The following H4C8 variants were observed in gnomAD, a reference collection of about 807,000 sequenced individuals.
The protein encoded by H4C8 is H4 clustered histone 8, also known as histone H4.
In H4C8, 8 loss-of-function variants were observed where a neutral mutation model predicts 6.0. The observed-to-expected ratio is 1.33, with a 90% CI of 0.78 to 2.40. The LOEUF is 2.40. Among genes scored for constraint, H4C8 ranks in the 30% most tolerant of loss-of-function variants. H4C8 has a pLI of 0.00. For missense variants in H4C8, 211 were observed against 143.4 expected (o/e 1.47, Z -2.41); for synonymous variants, 118 against 51.9 (o/e 2.27, Z -5.47).
In H4C8 at chr6:26,285,475, T is replaced by A. The variant is rs769932118; in HGVS notation, c.25A>T (p.Lys9Ter). The change falls in exon 1 of 1, where the codon AAA (lysine) becomes TAA (stop). Residue 9 changes from lysine to a stop codon, truncating the protein, a stop_gained. Transcript: ENST00000377727. LOFTEE classifies it high-confidence loss of function. The stretch of plus-strand genomic sequence containing the variant: ...TTAGCTCCTCCCTTACCCAAACCTT[T>A]TCCACCTTTACCACGGCCAGACATG... MSGRGKGG[K>*]GLGKGGAKRH... is the part of the protein sequence containing the mutation. 3.1e-6 allele frequency: 5 copies of A among 1,607,002 alleles called. No homozygotes were observed. The highest frequency in any genetic ancestry group is 4.3e-6 in the Non-Finnish European group (5 of 1,174,182).
chr6:26,285,213 C>A lies in H4C8; in HGVS notation c.287G>T (p.Arg96Leu). ...TTAGCCACCGAAGCCGTAAAGAGTGCGTCCCTGTCGCTTCAGCGCGTAGAC... is the reference window on the plus strand; with the variant it reads ...TTAGCCACCGAAGCCGTAAAGAGTGAGTCCCTGTCGCTTCAGCGCGTAGAC... ...DVVYALKRQGRTLYGFGG is the reference protein window; with the variant it reads ...DVVYALKRQGLTLYGFGG Residue 96 changes from arginine to leucine, a missense_variant, in exon 1 of 1, where the codon CGC (arginine) becomes CTC (leucine). Coordinates refer to ENST00000377727, the MANE Select transcript of H4C8 (RefSeq NM_003543.4). The A allele has an allele frequency of 6.2e-7, 1 of 1,604,916 alleles. No individual in the cohort carries two copies. The highest frequency in any genetic ancestry group is 1.7e-4 in the Middle Eastern group (1 of 6,030).
rs1472381758 is a variant in H4C8, at chr6:26,285,326, A to G, written c.174T>C (p.Val58=). The G allele has an allele frequency of 1.9e-6, 3 of 1,614,208 alleles. No individual in the cohort carries two copies. The African/African-American group carries it at 4.0e-5, about 22-fold the overall frequency. Residue 58 remains valine, a synonymous_variant, in exon 1 of 1, where the codon GTT becomes GTC. Coordinates refer to ENST00000377727, the MANE Select transcript of H4C8 (RefSeq NM_003543.4). ...TCACGTTCTCCAGGAACACCTTCAGAACACCACGAGTCTCCTCATAGATAA... is the reference window on the plus strand; with the variant it reads ...TCACGTTCTCCAGGAACACCTTCAGGACACCACGAGTCTCCTCATAGATAA... ...SGLIYEETRG[V]LKVFLENVIR... is the part of the protein sequence containing the mutation.
Position 26,285,531 on chromosome 6 carries a change from A to C in H4C8, c.-32T>G, listed in dbSNP as rs41266831. ...GCAACTTCTAAAACCAACTTAAGAA[A>C]CCTAAACGCCAAGGCAAAGCAACGC... On this transcript the variant is annotated 5_prime_UTR_variant, in exon 1 of 1. Coordinates refer to ENST00000377727, the MANE Select transcript of H4C8 (RefSeq NM_003543.4). 1.3e-6 allele frequency: 2 copies of C among 1,557,058 alleles called. No individual in the cohort carries two copies. Among genetic ancestry groups the C allele is most frequent in the African/African-American group, 1.4e-5 (1 of 73,174 alleles).
At position 26,285,222 on chromosome 6, in the gene H4C8, C is replaced by T. The variant is rs778406079; in HGVS notation, c.278G>A (p.Arg93Gln). Residue 93 changes from arginine (R) to glutamine (Q), a missense_variant, in exon 1 of 1, where the codon CGA becomes CAA. By Grantham distance (43) the Arg-to-Gln change is conservative (BLOSUM62 1). Coordinates refer to ENST00000377727, the MANE Select transcript of H4C8 (RefSeq NM_003543.4). ...TAMDVVYALKRQGRTLYGFGG is the reference protein window; with the variant it reads ...TAMDVVYALKQQGRTLYGFGG ...GAAGCCGTAAAGAGTGCGTCCCTGTCGCTTCAGCGCGTAGACCACATCCAT... is the reference window on the plus strand; with the variant it reads ...GAAGCCGTAAAGAGTGCGTCCCTGTTGCTTCAGCGCGTAGACCACATCCAT... 5 of 1,608,166 alleles carry T rather than the reference C, an allele frequency of 3.1e-6. No individual in the cohort carries two copies. Among genetic ancestry groups the T allele is most frequent in the East Asian group, 2.2e-5 (1 of 44,750 alleles).
chr6:26,285,241 C>T lies in H4C8; in HGVS notation c.259G>A (p.Val87Met). The change falls in exon 1 of 1, where the codon GTG becomes ATG. Residue 87 changes from valine to methionine, a missense_variant. Coordinates refer to ENST00000377727, the MANE Select transcript of H4C8 (RefSeq NM_003543.4). ...CCCTGTCGCTTCAGCGCGTAGACCA[C>T]ATCCATTGCTGTCACGGTCTTGCGT... ...AKRKTVTAMD[V>M]VYALKRQGRT... The T allele has an allele frequency of 6.2e-7, 1 of 1,613,690 alleles. No individual in the cohort carries two copies. The highest frequency in any genetic ancestry group is 8.5e-7 in the Non-Finnish European group (1 of 1,179,570).
At position 26,285,212 on chromosome 6, in the gene H4C8, G is replaced by T; in HGVS notation, c.288C>A (p.Arg96=). The T allele has an allele frequency of 6.2e-7, 1 of 1,605,738 alleles. No homozygotes were observed. The highest frequency in any genetic ancestry group is 8.5e-7 in the Non-Finnish European group (1 of 1,173,248). Residue 96 remains arginine, a synonymous_variant, in exon 1 of 1, where the codon CGC becomes CGA. Transcript: ENST00000377727. ...DVVYALKRQG[R]TLYGFGG ...CTTAGCCACCGAAGCCGTAAAGAGT[G>T]CGTCCCTGTCGCTTCAGCGCGTAGA...
In H4C8 at chr6:26,285,428, G is replaced by T. The variant is rs373009713; in HGVS notation, c.72C>A (p.Arg24=). 6.2e-7 allele frequency: 1 copy of T among 1,614,224 alleles called. No individual in the cohort carries two copies. Among genetic ancestry groups the T allele is most frequent in the South Asian group, 1.1e-5 (1 of 91,092 alleles). Residue 24 remains arginine (R), a synonymous_variant, in exon 1 of 1, where the codon CGC becomes CGA. Transcript: ENST00000377727. ...GGAKRHRKVL[R]DNIQGITKPA... ...GCTTAGTGATGCCCTGGATGTTATC[G>T]CGCAAAACCTTGCGATGACGCTTAG... is the stretch of plus-strand genomic sequence containing the variant.
Position 26,285,528 on chromosome 6 carries a change from G to GT in H4C8, c.-30_-29insA, listed in dbSNP as rs1269097355. On this transcript the variant is annotated 5_prime_UTR_variant, in exon 1 of 1. Coordinates refer to ENST00000377727, the MANE Select transcript of H4C8 (RefSeq NM_003543.4). ...TAAGCAACTTCTAAAACCAACTTAAGAAACCTAAACGCCAAGGCAAAGCAA... is the reference window on the plus strand; with the variant it reads ...TAAGCAACTTCTAAAACCAACTTAAGTAAACCTAAACGCCAAGGCAAAGCAA... 3.2e-6 allele frequency: 5 copies of GT among 1,563,336 alleles called. No individual in the cohort carries two copies. Among genetic ancestry groups the GT allele is most frequent in the African/African-American group, 1.4e-5 (1 of 73,266 alleles).
Position 26,285,355 on chromosome 6 carries a change from C to CA in H4C8, c.144dup (p.Gly49TrpfsTer5). ...CCACGAGTCTCCTCATAGATAAGGCCAGAAATTCGCTTGACACCGCCGCGA... is the reference window on the plus strand; with the variant it reads ...CCACGAGTCTCCTCATAGATAAGGCCAAGAAATTCGCTTGACACCGCCGCGA... On this transcript the variant is annotated frameshift_variant, in exon 1 of 1. Coordinates refer to ENST00000377727, the MANE Select transcript of H4C8 (RefSeq NM_003543.4). LOFTEE classifies it high-confidence loss of function. 1.9e-6 allele frequency: 3 copies of CA among 1,614,198 alleles called. No homozygotes were observed. Among genetic ancestry groups the CA allele is most frequent in the Non-Finnish European group, 2.5e-6 (3 of 1,180,038 alleles).
rs1760711931 is a variant in H4C8, at chr6:26,285,252, G to C, written c.248C>G (p.Thr83Arg). 3.1e-6 allele frequency: 5 copies of C among 1,613,978 alleles called. No individual in the cohort carries two copies. The highest frequency in any genetic ancestry group is 4.2e-6 in the Non-Finnish European group (5 of 1,179,846). ...CAGCGCGTAGACCACATCCATTGCT[G>C]TCACGGTCTTGCGTTTGGCGTGCTC... is the stretch of plus-strand genomic sequence containing the variant. ...YTEHAKRKTV[T>R]AMDVVYALKR... The change falls in exon 1 of 1, where the codon ACA becomes AGA. Residue 83 changes from threonine to arginine, a missense_variant. By Grantham distance (71) the Thr-to-Arg change is moderately conservative (BLOSUM62 -1). Coordinates refer to ENST00000377727, the MANE Select transcript of H4C8 (RefSeq NM_003543.4).
At position 26,285,355 on chromosome 6, in the gene H4C8, C is replaced by T; in HGVS notation, c.145G>A (p.Gly49Ser). 1 of 1,614,198 alleles carries T rather than the reference C, an allele frequency of 6.2e-7. No homozygotes were observed. The highest frequency in any genetic ancestry group is 1.1e-5 in the South Asian group (1 of 91,086). ...ARRGGVKRISGLIYEETRGVL... is the reference protein window; with the variant it reads ...ARRGGVKRISSLIYEETRGVL... ...CCACGAGTCTCCTCATAGATAAGGC[C>T]AGAAATTCGCTTGACACCGCCGCGA... The change falls in exon 1 of 1, where the codon GGC becomes AGC. Residue 49 changes from glycine to serine, a missense_variant. Transcript: ENST00000377727.
Position 26,285,315 on chromosome 6 carries a change from AAC to A in H4C8, c.183_184del (p.Phe62ProfsTer7). Reference sequence around the variant, plus strand: ...AGCGTCACGAATCACGTTCTCCAGGAACACCTTCAGAACACCACGAGTCTCCT... The same window carrying A: ...AGCGTCACGAATCACGTTCTCCAGGAACCTTCAGAACACCACGAGTCTCCT... On this transcript the variant is annotated frameshift_variant, in exon 1 of 1. Transcript: ENST00000377727. LOFTEE classifies it high-confidence loss of function. 1 of 1,614,188 alleles carries A rather than the reference AAC, an allele frequency of 6.2e-7. No individual in the cohort carries two copies. The highest frequency in any genetic ancestry group is 1.1e-5 in the South Asian group (1 of 91,082).
rs376550213 is a variant in H4C8 at position 26,285,440 on chromosome 6, G to A, written c.60C>T (p.Arg20=). The A allele has an allele frequency of 1.2e-5, 19 of 1,614,056 alleles. No individual in the cohort carries two copies. The highest frequency in any genetic ancestry group is 5.3e-5 in the African/African-American group (4 of 74,934). ...CCTGGATGTTATCGCGCAAAACCTT[G>A]CGATGACGCTTAGCTCCTCCCTTAC... The part of the protein sequence containing the change: ...GLGKGGAKRH[R]KVLRDNIQGI... The change falls in exon 1 of 1, where the codon CGC becomes CGT. Residue 20 remains arginine, a synonymous_variant. Coordinates refer to ENST00000377727, the MANE Select transcript of H4C8 (RefSeq NM_003543.4).
At position 26,285,493 on chromosome 6, in the gene H4C8, C is replaced by T. The variant is rs770859181; in HGVS notation, c.7G>A (p.Gly3Ser). 10 of 1,600,748 alleles carry T rather than the reference C, an allele frequency of 6.2e-6. No individual in the cohort carries two copies. Among genetic ancestry groups the T allele is most frequent in the Admixed American group, 3.4e-5 (2 of 59,390 alleles). The change falls in exon 1 of 1, where the codon GGC becomes AGC. Residue 3 changes from glycine to serine, a missense_variant. By Grantham distance (56) the Gly-to-Ser change is moderately conservative. Coordinates refer to ENST00000377727, the MANE Select transcript of H4C8 (RefSeq NM_003543.4). MS[G>S]RGKGGKGLGK... is the part of the protein sequence containing the mutation. ...AAACCTTTTCCACCTTTACCACGGCCAGACATGACTAAGCAACTTCTAAAA... is the reference window on the plus strand; with the variant it reads ...AAACCTTTTCCACCTTTACCACGGCTAGACATGACTAAGCAACTTCTAAAA...
In H4C8 at chr6:26,285,508, A is replaced by T. The variant is rs761737525; in HGVS notation, c.-9T>A. 11 of 1,582,548 alleles carry T rather than the reference A, an allele frequency of 7.0e-6. No homozygotes were observed. Among genetic ancestry groups the T allele is most frequent in the Non-Finnish European group, 8.6e-6 (10 of 1,159,882 alleles). Reference sequence around the variant, plus strand: ...TTACCACGGCCAGACATGACTAAGCAACTTCTAAAACCAACTTAAGAAACC... The same window carrying T: ...TTACCACGGCCAGACATGACTAAGCTACTTCTAAAACCAACTTAAGAAACC... On this transcript the variant is annotated 5_prime_UTR_variant, in exon 1 of 1. Transcript: ENST00000377727.
chr6:26,285,503 T>A lies in H4C8; in HGVS notation c.-4A>T. The A allele has an allele frequency of 6.3e-7, 1 of 1,591,328 alleles. No homozygotes were observed. The highest frequency in any genetic ancestry group is 8.6e-7 in the Non-Finnish European group (1 of 1,164,586). ...CACCTTTACCACGGCCAGACATGAC[T>A]AAGCAACTTCTAAAACCAACTTAAG... On this transcript the variant is annotated 5_prime_UTR_variant, in exon 1 of 1. Transcript: ENST00000377727.
At position 26,285,270 on chromosome 6, in the gene H4C8, G is replaced by A; in HGVS notation, c.230C>T (p.Ala77Val). The change falls in exon 1 of 1, where the codon GCC becomes GTC. Residue 77 changes from alanine to valine, a missense_variant. Transcript: ENST00000377727. ...IRDAVTYTEHAKRKTVTAMDV... is the reference protein window; with the variant it reads ...IRDAVTYTEHVKRKTVTAMDV... ...CATTGCTGTCACGGTCTTGCGTTTG[G>A]CGTGCTCTGTGTAAGTGACAGCGTC... The A allele has an allele frequency of 1.2e-6, 2 of 1,614,210 alleles. No homozygotes were observed. Among genetic ancestry groups the A allele is most frequent in the Non-Finnish European group, 1.7e-6 (2 of 1,180,014 alleles).
chr6:26,285,355 C>A lies in H4C8; in HGVS notation c.145G>T (p.Gly49Cys), dbSNP rs1468796300. Residue 49 changes from glycine to cysteine, a missense_variant, in exon 1 of 1, where the codon GGC (glycine) becomes TGC (cysteine). Gly to Cys is a radical substitution (Grantham distance 159). Transcript: ENST00000377727. ...CCACGAGTCTCCTCATAGATAAGGC[C>A]AGAAATTCGCTTGACACCGCCGCGA... ...ARRGGVKRIS[G>C]LIYEETRGVL... The A allele has an allele frequency of 1.9e-6, 3 of 1,614,080 alleles. No homozygotes were observed. The highest frequency in any genetic ancestry group is 2.5e-6 in the Non-Finnish European group (3 of 1,180,046).
rs781602027 is a variant in H4C8 at position 26,285,451 on chromosome 6, T to C, written c.49A>G (p.Lys17Glu). 12 of 1,613,678 alleles carry C rather than the reference T, an allele frequency of 7.4e-6. No individual in the cohort carries two copies. In the South Asian group the frequency reaches 7.7e-5, roughly 10 times the overall value. Reference protein sequence around the residue: ...GGKGLGKGGAKRHRKVLRDNI... With the variant: ...GGKGLGKGGAERHRKVLRDNI... Reference sequence around the variant, plus strand: ...TCGCGCAAAACCTTGCGATGACGCTTAGCTCCTCCCTTACCCAAACCTTTT... The same window carrying C: ...TCGCGCAAAACCTTGCGATGACGCTCAGCTCCTCCCTTACCCAAACCTTTT... The change falls in exon 1 of 1, where the codon AAG becomes GAG. Residue 17 changes from lysine (K) to glutamate (E), a missense_variant. Physicochemically the swap from Lys to Glu is moderately conservative, Grantham distance 56. Transcript: ENST00000377727.
Sources: gnomAD v4.1 joint callset for allele counts on GRCh38, gnomAD v4.1.1 for gene constraint, MANE v1.5 for transcripts, NCBI Gene and HGNC (gene_info 2026-07-23, HGNC 2026-07-21) for gene names.